ARHGAP24: variants seen among roughly 807,000 people sequenced by gnomAD.
ARHGAP24 encodes Rho GTPase activating protein 24.
In ARHGAP24, 50 loss-of-function variants were observed where a neutral mutation model predicts 76.4. The observed-to-expected ratio is 0.65, with a 90% confidence interval of 0.52 to 0.83. The LOEUF (loss-of-function observed/expected upper bound fraction) is 0.83, where lower values mean the gene tolerates loss of function less well. ARHGAP24 is among the 40% of genes least tolerant of loss of function. The pLI, the probability that ARHGAP24 is intolerant of heterozygous loss-of-function variation, is 0.00. For synonymous variants in ARHGAP24, 345 were observed against 323.3 expected (o/e 1.07, Z -0.72); for missense variants, 930 against 914.2 (o/e 1.02, Z -0.22).
chr4:85,846,121 T>C (rs1359371139), intron 3 of ARHGAP24, among the ~76,000 whole-genome samples: 1 of 152,172 alleles, frequency 6.6e-6, no homozygotes, highest in East Asian at 1.9e-4. Context: ...GGCCAGGTGG[T>C]CTCAAACTCC....
intron 3 of ARHGAP24, among the ~76,000 whole-genome samples, chr4:85,735,602 C>G (rs1409050885): frequency 1.3e-5 from 2 of 152,146 alleles, no homozygotes; most frequent in Non-Finnish European, 2.9e-5. Context: ...GTCCCTGTCT[C>G]TTAGTCACCA....
chr4:85,775,036 G>GTGTC (rs1320485727), intron 3 of ARHGAP24, among the ~76,000 whole-genome samples: 1 of 152,044 alleles, frequency 6.6e-6, no homozygotes, highest in Non-Finnish European at 1.5e-5. Context: ...TATTCTAGAG[G>GTGTC]AGACATAGCA....
intron 3 of ARHGAP24, among the ~76,000 whole-genome samples, chr4:85,772,741 T>C (rs1162737561): frequency 6.6e-6 from 1 of 152,226 alleles, no homozygotes; most frequent in Non-Finnish European, 1.5e-5. Flanking sequence ...TACAATTGTT[T>C]ATGTATTGAA....
At chr4:85,675,503 G>C (rs1722949567) in intron 2 of ARHGAP24, among the ~76,000 whole-genome samples, 1 of 152,182 alleles carries the variant, frequency 6.6e-6, no homozygotes, top group South Asian at 2.1e-4. Flanking sequence ...AAAGAACCTG[G>C]AAGGGTCTGT....
At chr4:85,700,893 A>G (rs970792661) in intron 2 of ARHGAP24, among the ~76,000 whole-genome samples, 1 of 152,218 alleles carries the variant, frequency 6.6e-6, no homozygotes, top group Non-Finnish European at 1.5e-5. Flanking sequence ...CAGGCAAAAC[A>G]AAAATAAAAT....
At chr4:85,490,771 T>C (rs1276598485) in intron 1 of ARHGAP24, among the ~76,000 whole-genome samples, 1 of 152,212 alleles carries the variant, frequency 6.6e-6, no homozygotes, top group Non-Finnish European at 1.5e-5. Flanking sequence ...CAGTGACTAG[T>C]ATTTGATGGA....
intron 1 of ARHGAP24, among the ~76,000 whole-genome samples, chr4:85,513,831 T>C (rs528202287): frequency 2.0e-5 from 3 of 152,350 alleles, no homozygotes; most frequent in Non-Finnish European, 4.4e-5. Flanking sequence ...ACTCTTCAGA[T>C]TGCCTGGTTC....
Position 85,995,055 on chromosome 4 carries a change from A to G in ARHGAP24, c.1401A>G (p.Val467=). 1 of 1,614,078 alleles carries G rather than the reference A, an allele frequency of 6.2e-7. No individual in the cohort carries two copies. The highest frequency in any genetic ancestry group is 8.5e-7 in the Non-Finnish European group (1 of 1,180,000). Residue 467 remains valine (V), a synonymous_variant, in exon 9 of 10, where the codon GTA becomes GTG. Coordinates refer to ENST00000395184, the MANE Select transcript of ARHGAP24 (RefSeq NM_001025616.3). ...LQARRSSSLK[V]SGTKMGTHSV... ...CCAGAAGGAGCTCTTCACTGAAGGT[A>G]TCTGGTACCAAAATGGGCACGCACA...
intron 4 of ARHGAP24, among the ~76,000 whole-genome samples, chr4:85,941,853 T>C (rs1736966441): frequency 6.6e-6 from 1 of 152,322 alleles, no homozygotes; most frequent in Non-Finnish European, 1.5e-5. Context: ...GTGCTAAGCA[T>C]AGAATACAAG....
chr4:85,864,767 T>C lies in ARHGAP24; in HGVS notation c.269-58881T>C, dbSNP rs534297339. On this transcript the variant is annotated intron_variant, in intron 3 of 9. Transcript: ENST00000395184. ...TGAGTAAGAGCAGTTAAGTAGTATATATGGAAATACGGACCAGTTAGGGAG... is the reference window on the plus strand; with the variant it reads ...TGAGTAAGAGCAGTTAAGTAGTATACATGGAAATACGGACCAGTTAGGGAG... Among the ~76,000 whole-genome samples the C allele has an allele frequency of 1.3e-3, 201 of 152,206 alleles. 1 individual carries two copies. Among genetic ancestry groups the C allele is most frequent in the African/African-American group, 4.6e-3 (193 of 41,558 alleles).
At chr4:85,495,288 A>G (rs1386051002) in intron 1 of ARHGAP24, among the ~76,000 whole-genome samples, 1 of 151,066 alleles carries the variant, frequency 6.6e-6, no homozygotes, top group Non-Finnish European at 1.5e-5. Flanking sequence ...AGCGGCTAGT[A>G]GAAGCTGAAA....
intron 1 of ARHGAP24, among the ~76,000 whole-genome samples, chr4:85,487,747 ATATT>A (rs1192220874): frequency 9.5e-6 from 1 of 104,858 alleles, no homozygotes; most frequent in East Asian, 2.4e-4. Flanking sequence ...TATATAATAT[ATATT>A]TATTATATAT....
At chr4:85,950,763 T>C (rs1194334430) in intron 5 of ARHGAP24, among the ~76,000 whole-genome samples, 5 of 151,852 alleles carry the variant, frequency 3.3e-5, no homozygotes, top group African/African-American at 1.2e-4. Context: ...CCTCTGTCCC[T>C]GGGTTCAAGC....
At chr4:85,553,930 G>A (rs750258713) in intron 1 of ARHGAP24, among the ~76,000 whole-genome samples, 9 of 152,120 alleles carry the variant, frequency 5.9e-5, no homozygotes, top group Non-Finnish European at 1.2e-4. Flanking sequence ...TTACTTAAGT[G>A]TGTTTTTGTA....
At chr4:85,974,849 G>A (rs369983258) in intron 6 of ARHGAP24, 39 bp from the exon 7 acceptor site, 80 of 1,586,056 alleles carry the variant, frequency 5.0e-5, no homozygotes, top group Non-Finnish European at 6.1e-5. Flanking sequence ...TAAGGCCAAC[G>A]TGTAGAAAAA....
intron 2 of ARHGAP24, among the ~76,000 whole-genome samples, chr4:85,699,664 A>C (rs1723999688): frequency 6.6e-6 from 1 of 151,828 alleles, no homozygotes; most frequent in Non-Finnish European, 1.5e-5. Context: ...AAAACTGTTA[A>C]CCAACACCCT....
chr4:85,969,350 CTTG>C (rs1393242303), intron 5 of ARHGAP24, among the ~76,000 whole-genome samples: 1 of 151,920 alleles, frequency 6.6e-6, no homozygotes, highest in East Asian at 1.9e-4. Flanking sequence ...AAATGTGTTT[CTTG>C]TTTATCATTA....
intron 2 of ARHGAP24, among the ~76,000 whole-genome samples, chr4:85,709,507 A>C (rs1578160506): frequency 6.6e-6 from 1 of 152,080 alleles, no homozygotes; most frequent in African/African-American, 2.4e-5. Flanking sequence ...GTTAAAAAAA[A>C]CCTCCAGCCA....
intron 2 of ARHGAP24, among the ~76,000 whole-genome samples, chr4:85,659,934 C>T (rs1429855585): frequency 6.6e-6 from 1 of 152,146 alleles, no homozygotes; most frequent in African/African-American, 2.4e-5. Context: ...TCTTTCCATT[C>T]GTTCTCTGAA....
Sources: gnomAD v4.1 joint callset for allele counts (sites outside exome capture counted in the v4.1 genomes callset) on GRCh38, gnomAD v4.1.1 for gene constraint, MANE v1.5 for transcripts, NCBI Gene and HGNC (gene_info 2026-07-23, HGNC 2026-07-21) for gene names.